TRPM5: variants seen among roughly 807,000 people sequenced by gnomAD.
The protein encoded by TRPM5 is transient receptor potential cation channel subfamily M member 5.
TRPM5 carries 121 observed loss-of-function variants against 124.9 expected under a neutral mutation model. That is an observed-to-expected ratio of 0.97 (90% CI 0.84 to 1.13). The LOEUF is 1.13. TRPM5 is among the 50% of genes most tolerant of loss of function. The probability of loss-of-function intolerance (pLI) is 0.00; values close to 1 mark genes in which losing one functional copy is unlikely to be tolerated. For synonymous variants in TRPM5, 781 were observed against 700.5 expected, an observed-to-expected ratio of 1.11 and a Z score of -1.81; for missense variants, 1,643 against 1,589.1, an observed-to-expected ratio of 1.03 and a Z score of -0.58.
chr11:2,441,357 C>A, the TRPM5 span, among the ~76,000 whole-genome samples: 1 of 152,110 alleles, frequency 6.6e-6, no homozygotes, highest in African/African-American at 2.4e-5. The surrounding 1 kb of genome is among the most constrained non-coding windows in gnomAD (Gnocchi z 7.2). Flanking sequence ...CTCGGTCAGG[C>A]CCCACTTGTA....
At chr11:2,412,732 C>G (rs372578278) in intron 15 of TRPM5, 22 bp downstream of exon 20, 370 of 1,567,726 alleles carry the variant, frequency 2.4e-4, no homozygotes, top group Non-Finnish European at 3.0e-4. Flanking sequence ...TGGAGGGGAC[C>G]TAGGCTAGTG....
Position 2,406,051 on chromosome 11 carries a change from G to A in TRPM5, c.3292C>T (p.Gln1098Ter). The change falls in exon 22 of 24, where the codon CAA (glutamine) becomes TAA (stop). Residue 1098 changes from glutamine to a stop codon, truncating the protein, a stop_gained. Transcript: ENST00000155858. LOFTEE classifies it high-confidence loss of function. ...TCCAGACACTTGATGCGCTTTTCTT[G>A]CTCTCTCAGACCCCCGAGGTACTTG... 1 of 1,612,336 alleles carries A rather than the reference G, an allele frequency of 6.2e-7. No individual in the cohort carries two copies. The highest frequency in any genetic ancestry group is 8.5e-7 in the Non-Finnish European group (1 of 1,179,960).
At chr11:2,417,761 C>T (rs371910914) in exon 7 of TRPM5, 6 of 1,601,752 alleles carry the variant, frequency 3.7e-6, no homozygotes, top group Non-Finnish European at 5.1e-6. Context: ...CCGTGTCCAG[C>T]TCCTCGGAGC....
At chr11:2,436,495 C>G in the TRPM5 span, among the ~76,000 whole-genome samples, 1 of 152,250 alleles carries the variant, frequency 6.6e-6, no homozygotes, top group Non-Finnish European at 1.5e-5. Flanking sequence ...GTCACACGTC[C>G]CGGACAGGCC....
the TRPM5 span, among the ~76,000 whole-genome samples, chr11:2,434,248 G>GGACACTGTGTGTGCGTC: frequency 8.6e-5 from 13 of 151,164 alleles, no homozygotes; most frequent in African/African-American, 3.2e-4. Flanking sequence ...GTGTGTGCGT[G>GGACACTGTGTGTGCGTC]GACACTGTGT....
intron 7 of TRPM5, among the ~76,000 whole-genome samples, chr11:2,416,692 C>A (rs1356498138): frequency 6.6e-6 from 1 of 152,210 alleles, no homozygotes; most frequent in African/African-American, 2.4e-5. Flanking sequence ...GCAGTCCAGA[C>A]ACCCTTCCCA....
chr11:2,417,706 GCCCACCCT>G lies in TRPM5; in HGVS notation c.1009+13_1009+20del. The G allele has an allele frequency of 1.8e-6, 2 of 1,087,294 alleles. No individual in the cohort carries two copies. The highest frequency in any genetic ancestry group is 2.8e-6 in the Non-Finnish European group (2 of 721,778). 67.4% of individuals were successfully genotyped at this position (1,087,294 alleles called of 1,614,324 possible). A position where few individuals can be genotyped will look rare whatever the true frequency, so the allele number is the denominator to read the frequency against. ...GAAGCCCCCCAATGGCGCCTGCCTT[GCCCACCCT>G]GCCCGCCCTCACCTTTCACCAGCGC... is the stretch of plus-strand genomic sequence containing the variant. On this transcript the variant is annotated intron_variant, in intron 7 of 23. Coordinates refer to ENST00000155858, the Ensembl canonical transcript of TRPM5.
Position 2,406,657 on chromosome 11 carries a change from G to A in TRPM5, c.3251+4C>T, listed in dbSNP as rs184197578. 1.2e-4 allele frequency: 189 copies of A among 1,605,256 alleles called. 2 individuals are homozygous for A. In the African/African-American group the frequency reaches 1.4e-3, roughly 12 times the overall value. On this transcript the variant is annotated splice_donor_region_variant and intron_variant, in intron 21 of 23. Coordinates refer to ENST00000155858, the Ensembl canonical transcript of TRPM5. ...CCACCAGTGATCAGGACAGGCCCCC[G>A]CACCTGTGGGCGGTTTTCCGCAGCA... is the stretch of plus-strand genomic sequence containing the variant.
intron 15 of TRPM5, among the ~76,000 whole-genome samples, 153 bp from the exon 21 acceptor site, chr11:2,412,406 C>G (rs141146846): frequency 6.6e-6 from 1 of 152,098 alleles, no homozygotes; most frequent in East Asian, 1.9e-4. Context: ...TGAAGCTATT[C>G]CAGGGCTGTC....
rs886279 is a variant in TRPM5 at position 2,418,678 on chromosome 11, G to A, written c.650-87C>T. 5,324 of 1,380,216 alleles carry A rather than the reference G, an allele frequency of 3.9e-3. 120 individuals are homozygous for A. In the African/African-American group the frequency reaches 0.057, roughly 15 times the overall value. 85.5% of individuals were successfully genotyped at this position (1,380,216 alleles called of 1,614,324 possible). The stretch of plus-strand genomic sequence containing the variant: ...AGGCTCTCAGGCCACCACATTTTCT[G>A]GCCAAAAGCTGGCTCTTCCGAATAA... On this transcript the variant is annotated intron_variant, in intron 4 of 23. Coordinates refer to ENST00000155858, the Ensembl canonical transcript of TRPM5.
At position 2,411,490 on chromosome 11, in the gene TRPM5, C is replaced by T. The variant is rs548094761; in HGVS notation, c.2644G>A (p.Val882Met). 148 of 1,610,662 alleles carry T rather than the reference C, an allele frequency of 9.2e-5. No homozygotes were observed. In the East Asian group the frequency reaches 2.6e-3, roughly 28 times the overall value. ...GTGACACCGTAGGCCACGAGCCACA[C>T]GCTCAGAAAGAAGAGGAAGAAGAAG... Residue 882 changes from valine to methionine, a missense_variant, in exon 18 of 24, where the codon GTG becomes ATG. Transcript: ENST00000155858.
Position 2,413,385 on chromosome 11 carries a change from C to T in TRPM5, c.2003+91G>A. ...CTTGGGGGCTACAGAGTCAGGCTAC[C>T]ACCAGCACCTGCGAGGCCCAGGCCC... is the stretch of plus-strand genomic sequence containing the variant. On this transcript the variant is annotated intron_variant, in intron 13 of 23. Coordinates refer to ENST00000155858, the Ensembl canonical transcript of TRPM5. The T allele has an allele frequency of 3.7e-6, 5 of 1,354,850 alleles. No homozygotes were observed. In the South Asian group the frequency reaches 4.1e-5, roughly 11 times the overall value. 83.9% of individuals were successfully genotyped at this position (1,354,850 alleles called of 1,614,324 possible).
the TRPM5 span, among the ~76,000 whole-genome samples, chr11:2,433,295 G>A: frequency 7.2e-5 from 11 of 152,246 alleles, no homozygotes; most frequent in East Asian, 1.9e-4. Context: ...GCAGGAAGAC[G>A]TCCCCCTACC....
intron 22 of TRPM5, 113 bp from the exon 28 acceptor site, chr11:2,405,706 T>TCC (rs1320214748): frequency 8.4e-7 from 1 of 1,188,584 alleles, no homozygotes; most frequent in Non-Finnish European, 1.2e-6. Context: ...CTGTGACTCC[T>TCC]CCCTCTGAGA....
the TRPM5 span, among the ~76,000 whole-genome samples, chr11:2,434,552 T>G: frequency 6.6e-6 from 1 of 151,038 alleles, no homozygotes; most frequent in Non-Finnish European, 1.5e-5. Context: ...TGTGTGTGAG[T>G]GTATGTGTAG....
chr11:2,405,187 A>G (rs949729782), intron 23 of TRPM5, 144 bp from the exon 29 acceptor site: 8 of 681,870 alleles, frequency 1.2e-5, no homozygotes, highest in Non-Finnish European at 1.7e-5. Context: ...GAAGATGGGG[A>G]GCCCAGAGAC....
intron 21 of TRPM5, among the ~76,000 whole-genome samples, chr11:2,406,374 G>A (rs1386453366): frequency 6.6e-6 from 1 of 152,128 alleles, no homozygotes; most frequent in Non-Finnish European, 1.5e-5. Context: ...ACAGGCCCCT[G>A]GAGCCAGGGC....
At chr11:2,414,011 C>CCCCCCCCCCCCCCCCCCCCCACA in intron 12 of TRPM5, 50 bp downstream of exon 17, 1 of 482,248 alleles carries the variant, frequency 2.1e-6, no homozygotes, top group Non-Finnish European at 4.1e-6. Flanking sequence ...CCCAGCTCGC[C>CCCCCCCCCCCCCCCCCCCCCACA]CGCCCACCCC....
chr11:2,421,319 G>A (rs1845769539), intron 2 of TRPM5, 121 bp from the exon 8 acceptor site: 2 of 1,262,770 alleles, frequency 1.6e-6, no homozygotes, highest in Non-Finnish European at 2.1e-6. Flanking sequence ...GGTGGGTGCT[G>A]GGGAATGCCT....
Sources: allele counts gnomAD v4.1 joint callset (sites outside exome capture counted in the v4.1 genomes callset), GRCh38; gene constraint gnomAD v4.1.1; non-coding constraint Gnocchi (gnomAD v3.1); transcripts MANE v1.5; gene names NCBI Gene and HGNC (gene_info 2026-07-23, HGNC 2026-07-21).